The following CLTA variants were observed in gnomAD, a reference collection of about 807,000 sequenced individuals.
CLTA encodes the protein clathrin light chain A.
In CLTA, 9 loss-of-function variants were observed where a neutral mutation model predicts 26.9. That is an observed-to-expected ratio of 0.33 (90% CI 0.20 to 0.58). CLTA has a LOEUF of 0.58. CLTA is among the 20% of genes least tolerant of loss of function. The pLI is 0.85. For missense variants in CLTA, 278 were observed against 294.2 expected (o/e 0.94, Z 0.40); for synonymous variants, 120 against 115.5 (o/e 1.04, Z -0.25).
intron 3 of CLTA, among the ~76,000 whole-genome samples, chr9:36,199,646 G>C (rs1044850637): frequency 1.3e-4 from 20 of 151,518 alleles, no homozygotes; most frequent in African/African-American, 4.9e-4. Flanking sequence ...AGTAGAGACA[G>C]GGTTTCACCG....
intron 4 of CLTA, among the ~76,000 whole-genome samples, chr9:36,209,964 A>G (rs1419024409): frequency 6.6e-6 from 1 of 152,226 alleles, no homozygotes; most frequent in African/African-American, 2.4e-5. Context: ...CTCCTAGCAC[A>G]GGGAAGCCCC....
chr9:36,194,248 A>G (rs1416092650), intron 1 of CLTA, among the ~76,000 whole-genome samples: 1 of 152,174 alleles, frequency 6.6e-6, no homozygotes, highest in Non-Finnish European at 1.5e-5. Context: ...ACTGGTCTGA[A>G]ACTCCTGACC....
intron 4 of CLTA, among the ~76,000 whole-genome samples, chr9:36,206,693 G>T (rs1827744109): frequency 6.6e-6 from 1 of 152,082 alleles, no homozygotes; most frequent in Non-Finnish European, 1.5e-5. Context: ...TCAGGAGTTT[G>T]AGACCAGCCT....
chr9:36,195,621 T>C (rs1826975813), intron 1 of CLTA, among the ~76,000 whole-genome samples: 1 of 152,080 alleles, frequency 6.6e-6, no homozygotes, highest in African/African-American at 2.4e-5. Context: ...AGTAGTAATA[T>C]AAACTGGTAG....
chr9:36,200,273 A>C (rs1218047963), intron 3 of CLTA, among the ~76,000 whole-genome samples: 2 of 152,212 alleles, frequency 1.3e-5, no homozygotes, highest in African/African-American at 4.8e-5. Context: ...GAAAATAAAC[A>C]TGTGCACCCC....
At chr9:36,197,984 CATTT>C (rs1332789447) in intron 2 of CLTA, among the ~76,000 whole-genome samples, 2 of 138,636 alleles carry the variant, frequency 1.4e-5, no homozygotes, top group Admixed American at 7.2e-5. Context: ...TAAAGATTAA[CATTT>C]ATTTGAGTCT....
Position 36,203,597 on chromosome 9 carries a change from G to A in CLTA, c.374-471G>A, listed in dbSNP as rs1453173729. 2.0e-5 allele frequency among the ~76,000 whole-genome samples: 3 copies of A among 152,184 alleles called. No homozygotes were observed. In the East Asian group the frequency reaches 5.8e-4, roughly 29 times the overall value. Reference sequence around the variant, plus strand: ...AAAACCATTGTCAAACCTGGAATATGGACTAGTTTGGGAGAAGAGGTAAAA... The same window carrying A: ...AAAACCATTGTCAAACCTGGAATATAGACTAGTTTGGGAGAAGAGGTAAAA... On this transcript the variant is annotated intron_variant, in intron 3 of 4. Coordinates refer to ENST00000345519, the MANE Select transcript of CLTA (RefSeq NM_001833.4).
intron 1 of CLTA, among the ~76,000 whole-genome samples, chr9:36,193,101 G>T (rs186293216): frequency 1.3e-5 from 2 of 152,282 alleles, no homozygotes; most frequent in African/African-American, 4.8e-5. Context: ...TTGGATGCTC[G>T]GTCCTTTGTG....
chr9:36,198,198 A>G (rs1489875729), intron 2 of CLTA, among the ~76,000 whole-genome samples: 2 of 151,572 alleles, frequency 1.3e-5, no homozygotes, highest in Non-Finnish European at 2.9e-5. Flanking sequence ...GGGTTTCGCC[A>G]TGTTGGCCAG....
chr9:36,209,216 C>T, intron 4 of CLTA: 1 of 1,611,032 alleles, frequency 6.2e-7, no homozygotes, highest in Non-Finnish European at 8.5e-7. Context: ...TCTCAATGTT[C>T]TCTCTTTTTT....
chr9:36,199,744 G>A (rs1216941245), intron 3 of CLTA, among the ~76,000 whole-genome samples: 2 of 152,052 alleles, frequency 1.3e-5, no homozygotes, highest in Non-Finnish European at 2.9e-5. Context: ...GTGAGCCACC[G>A]CGCCCGGCCT....
chr9:36,204,928 A>AG (rs1563915427), intron 4 of CLTA, among the ~76,000 whole-genome samples: 5 of 152,152 alleles, frequency 3.3e-5, no homozygotes, highest in Middle Eastern at 3.2e-3. Context: ...TGAATAGTCA[A>AG]TCCATTCACT....
chr9:36,210,483 G>A, intron 4 of CLTA: 1 of 1,376,696 alleles, frequency 7.3e-7, no homozygotes, highest in Non-Finnish European at 9.9e-7. Context: ...TGGGTGGCCA[G>A]CAAAGCCAGC....
Position 36,191,164 on chromosome 9 carries a change from G to A in CLTA, c.108G>A (p.Leu36=), listed in dbSNP as rs544059900. The A allele has an allele frequency of 9.4e-6, 15 of 1,597,398 alleles. No individual in the cohort carries two copies. In the Admixed American group the frequency reaches 2.1e-4, roughly 22 times the overall value. ...AAGAAGACCCGGCTGCGGCCTTCTTGGCGCAGCAAGAGAGCGAGATTGCGG... is the reference window on the plus strand; with the variant it reads ...AAGAAGACCCGGCTGCGGCCTTCTTAGCGCAGCAAGAGAGCGAGATTGCGG... ...AGEEDPAAAF[L]AQQESEIAGI... The change falls in exon 1 of 5, where the codon TTG becomes TTA. Residue 36 remains leucine (L), a synonymous_variant. Transcript: ENST00000345519.
chr9:36,190,880 T>C (rs1033352668), upstream of CLTA: 8 of 1,123,354 alleles, frequency 7.1e-6, no homozygotes, highest in African/African-American at 1.0e-4. Context: ...TTTTCGGCTC[T>C]GCAACACCGC....
chr9:36,209,324 T>C (rs1563918363), intron 4 of CLTA: 1 of 1,603,452 alleles, frequency 6.2e-7, no homozygotes, highest in Non-Finnish European at 8.5e-7. Context: ...GTTATGTGTA[T>C]GTTGCAAAAC....
At chr9:36,208,121 A>G (rs1231699124) in intron 4 of CLTA, among the ~76,000 whole-genome samples, 1 of 152,252 alleles carries the variant, frequency 6.6e-6, no homozygotes, top group Non-Finnish European at 1.5e-5. Flanking sequence ...CTTAATGACC[A>G]GGCATGATTA....
chr9:36,192,959 G>C (rs911576005), intron 1 of CLTA, among the ~76,000 whole-genome samples: 1 of 152,230 alleles, frequency 6.6e-6, no homozygotes, highest in African/African-American at 2.4e-5. Flanking sequence ...CTGCCTAGCA[G>C]TGTGTCTGAC....
chr9:36,198,945 G>T (rs1827235304), intron 2 of CLTA, 34 bp from the exon 3 acceptor site: 1 of 1,441,524 alleles, frequency 6.9e-7, no homozygotes, highest in Non-Finnish European at 9.8e-7. Context: ...GGAATTTTTG[G>T]TATTAATATA....
Sources: allele counts gnomAD v4.1 joint callset (sites outside exome capture counted in the v4.1 genomes callset), GRCh38; gene constraint gnomAD v4.1.1; transcripts MANE v1.5; gene names NCBI Gene and HGNC (gene_info 2026-07-23, HGNC 2026-07-21).